The following SGIP1 variants were observed in gnomAD, a reference collection of about 807,000 sequenced individuals.
The protein encoded by SGIP1 is SH3-containing GRB2-like protein 3-interacting protein 1.
Under a neutral mutation model 107.5 loss-of-function variants are expected in SGIP1, and 38 were observed. The ratio of observed to expected loss-of-function variants is 0.35; its 90% CI spans 0.27 to 0.46. The LOEUF (loss-of-function observed/expected upper bound fraction) is 0.46, where lower values mean the gene tolerates loss of function less well. SGIP1 is among the 20% of genes least tolerant of loss of function. SGIP1 has a pLI of 1.00. For synonymous variants in SGIP1, 365 were observed against 366.1 expected, an observed-to-expected ratio of 1.00 and a Z score of 0.03; for missense variants, 929 against 1,019.5, an observed-to-expected ratio of 0.91 and a Z score of 1.21.
At chr1:66,652,200 T>A (rs965441226) in intron 7 of SGIP1, among the ~76,000 whole-genome samples, 2 of 152,156 alleles carry the variant, frequency 1.3e-5, no homozygotes, top group Admixed American at 6.5e-5. Context: ...TCTACCTTCT[T>A]ATGACATGAG....
intron 1 of SGIP1, among the ~76,000 whole-genome samples, chr1:66,592,554 G>A (rs940397653): frequency 2.0e-5 from 3 of 152,114 alleles, no homozygotes; most frequent in African/African-American, 2.4e-5. Context: ...TTTTCCCCAC[G>A]GAGTGATACC....
intron 5 of SGIP1, 47 bp downstream of exon 5, chr1:66,639,880 A>T: frequency 1.3e-6 from 2 of 1,499,988 alleles, no homozygotes; most frequent in Non-Finnish European, 1.8e-6. Flanking sequence ...TTTACAGTTT[A>T]AAAATGAGTT....
chr1:66,560,276 A>T lies in SGIP1; in HGVS notation c.10+25908A>T, dbSNP rs146080603. On this transcript the variant is annotated intron_variant, in intron 1 of 24. Transcript: ENST00000371037. ...ATTACAATGTAGGGCAGAAATAAGT[A>T]CCCAGTTGATTTTGTTGTTGGTTTG... Among the ~76,000 whole-genome samples the T allele has an allele frequency of 2.3e-3, 350 of 152,172 alleles. 1 individual carries two copies. The highest frequency in any genetic ancestry group is 8.3e-3 in the African/African-American group (345 of 41,554).
At chr1:66,624,172 A>G (rs757099233) in intron 1 of SGIP1, among the ~76,000 whole-genome samples, 50 of 152,176 alleles carry the variant, frequency 3.3e-4, no homozygotes, top group Non-Finnish European at 5.6e-4. Context: ...TATGGCATTC[A>G]TTGTGAGCTC....
intron 2 of SGIP1, among the ~76,000 whole-genome samples, chr1:66,628,813 G>A (rs1304825099): frequency 4.0e-5 from 6 of 150,948 alleles, no homozygotes; most frequent in African/African-American, 1.5e-4. Context: ...GTACTCTAAC[G>A]AGACATTTGT....
At chr1:66,669,027 G>A (rs1343472704) in intron 9 of SGIP1, among the ~76,000 whole-genome samples, 1 of 152,206 alleles carries the variant, frequency 6.6e-6, no homozygotes, top group Non-Finnish European at 1.5e-5. Flanking sequence ...CCAGCAGATA[G>A]CAGGACTTTC....
chr1:66,568,531 G>T (rs751462037), intron 1 of SGIP1, among the ~76,000 whole-genome samples: 2 of 152,020 alleles, frequency 1.3e-5, no homozygotes, highest in Non-Finnish European at 2.9e-5. Flanking sequence ...CCAATACTAT[G>T]TTGAATAGGA....
intron 2 of SGIP1, among the ~76,000 whole-genome samples, chr1:66,629,606 A>G (rs1399547549): frequency 6.6e-6 from 1 of 152,178 alleles, no homozygotes; most frequent in Non-Finnish European, 1.5e-5. Flanking sequence ...ACAAAAGGTA[A>G]CTGAAACTTT....
chr1:66,702,929 C>T (rs1032364874), intron 18 of SGIP1, among the ~76,000 whole-genome samples: 2 of 152,188 alleles, frequency 1.3e-5, no homozygotes, highest in East Asian at 3.8e-4. Flanking sequence ...AACAGGACTT[C>T]TCATCTGACT....
intron 7 of SGIP1, among the ~76,000 whole-genome samples, chr1:66,654,050 AGTG>A (rs1374570208): frequency 6.6e-6 from 1 of 152,188 alleles, no homozygotes; most frequent in Non-Finnish European, 1.5e-5. Context: ...GGCCCACAGC[AGTG>A]AATGACACAT....
chr1:66,539,514 A>T (rs2054390738), intron 1 of SGIP1, among the ~76,000 whole-genome samples: 1 of 152,186 alleles, frequency 6.6e-6, no homozygotes, highest in African/African-American at 2.4e-5. Context: ...AATACTTCAC[A>T]TGGCATGACT....
chr1:66,565,307 G>T (rs1312489541), intron 1 of SGIP1, among the ~76,000 whole-genome samples: 1 of 151,596 alleles, frequency 6.6e-6, no homozygotes, highest in African/African-American at 2.4e-5. Context: ...CATTTATATG[G>T]GCTCTTATTT....
At chr1:66,673,028 A>G (rs191341405) in intron 11 of SGIP1, among the ~76,000 whole-genome samples, 26 of 152,248 alleles carry the variant, frequency 1.7e-4, no homozygotes, top group African/African-American at 6.0e-4. Flanking sequence ...ACTTATTTCT[A>G]TTGGGTGAGC....
intron 15 of SGIP1, chr1:66,684,301 A>G: frequency 3.5e-6 from 5 of 1,413,804 alleles, no homozygotes; most frequent in Non-Finnish European, 3.8e-6. Context: ...TCTACACTGC[A>G]CAGTGTCATC....
intron 7 of SGIP1, among the ~76,000 whole-genome samples, chr1:66,658,476 A>G (rs543281904): frequency 1.4e-3 from 206 of 152,192 alleles, no homozygotes; most frequent in African/African-American, 4.7e-3. Context: ...CTGAGGACAC[A>G]TAGCTTGTGC....
rs773836992 is a variant in SGIP1, at chr1:66,682,184, A to C, written c.1130A>C (p.Glu377Ala). Residue 377 changes from glutamate (E) to alanine (A), a missense_variant, in exon 15 of 25, where the codon GAA becomes GCA. Physicochemically the swap from Glu to Ala is moderately radical, Grantham distance 107. Coordinates refer to ENST00000371037, the MANE Select transcript of SGIP1 (RefSeq NM_032291.4). The stretch of plus-strand genomic sequence containing the variant: ...AATGTACTATCGCCGCTCAATTTAG[A>C]AGAAGTCCAGAAGAAAGTCGCTGAG... Reference protein sequence around the residue: ...PRNVLSPLNLEEVQKKVAEQT... With the variant: ...PRNVLSPLNLAEVQKKVAEQT... 9 of 1,614,056 alleles carry C rather than the reference A, an allele frequency of 5.6e-6. No individual in the cohort carries two copies. The Admixed American group carries it at 6.7e-5, about 12-fold the overall frequency.
intron 3 of SGIP1, 152 bp downstream of exon 3, chr1:66,633,246 A>G (rs1008083545): frequency 1.5e-6 from 1 of 648,726 alleles, no homozygotes; most frequent in Non-Finnish European, 2.7e-6. Flanking sequence ...TATTAATTGC[A>G]TGGGACATAA....
At chr1:66,692,556 G>C (rs1305471287) in intron 17 of SGIP1, among the ~76,000 whole-genome samples, 2 of 152,144 alleles carry the variant, frequency 1.3e-5, no homozygotes, top group Admixed American at 1.3e-4. Context: ...TTCCTCTCCA[G>C]AGAGGATGGG....
chr1:66,718,096 T>A (rs112942731), intron 18 of SGIP1, among the ~76,000 whole-genome samples: 3,011 of 152,218 alleles, frequency 0.02, 96 homozygotes, highest in African/African-American at 0.068. Context: ...ACTAGAGTGA[T>A]CAAGGGAAGC....
Sources: allele counts gnomAD v4.1 joint callset (sites outside exome capture counted in the v4.1 genomes callset), GRCh38; gene constraint gnomAD v4.1.1; transcripts MANE v1.5; gene names NCBI Gene and HGNC (gene_info 2026-07-23, HGNC 2026-07-21).